Variants in MECOM observed in about 807,000 individuals in gnomAD.
The protein encoded by MECOM is MDS1 and EVI1 complex locus.
Under a neutral mutation model 116.3 loss-of-function variants are expected in MECOM, and 13 were observed. The observed-to-expected ratio is 0.11, with a 90% confidence interval of 0.07 to 0.18. The LOEUF (loss-of-function observed/expected upper bound fraction) is 0.18. Among genes scored for constraint, MECOM ranks in the 10% least tolerant of loss-of-function variants. The probability of loss-of-function intolerance (pLI) is 1.00; values close to 1 mark genes in which losing one functional copy is unlikely to be tolerated. For synonymous variants in MECOM, 528 were observed against 535.2 expected (o/e 0.99, Z 0.19); for missense variants, 1,299 against 1,509.0 (o/e 0.86, Z 2.31).
chr3:169,347,341 A>G (rs910184610), intron 2 of MECOM, among the ~76,000 whole-genome samples: 1 of 152,040 alleles, frequency 6.6e-6, no homozygotes, highest in African/African-American at 2.4e-5. Context: ...TACAAAAATA[A>G]ATCAAATAAG....
At chr3:169,146,456 C>T in intron 2 of MECOM, 1 of 1,386,702 alleles carries the variant, frequency 7.2e-7, no homozygotes, top group Non-Finnish European at 9.6e-7. Flanking sequence ...AAGAGGCCGA[C>T]AAGCCGGCAG....
chr3:169,246,647 G>A (rs550559650), intron 2 of MECOM, among the ~76,000 whole-genome samples: 10 of 150,634 alleles, frequency 6.6e-5, no homozygotes, highest in Admixed American at 3.3e-4. Context: ...TCCTGCCTCC[G>A]AGTAGCTGGC....
Position 169,101,962 on chromosome 3 carries a change from T to C in MECOM, c.2771+98A>G, listed in dbSNP as rs1357293729. The C allele has an allele frequency of 1.7e-5, 20 of 1,152,532 alleles. No homozygotes were observed. In the Admixed American group the frequency reaches 2.1e-4, roughly 12 times the overall value. The allele number at this position is 1,152,532 out of a possible 1,614,324, so 71.4% of individuals were successfully genotyped here. A position where few individuals can be genotyped will look rare whatever the true frequency, so the allele number is the denominator to read the frequency against. ...GGAGATCTATTATGGTGGCTATTAA[T>C]CATCTAATCAGGAATAATTTCCAAA... On this transcript the variant is annotated intron_variant, in intron 11 of 16. Coordinates refer to ENST00000651503, the MANE Select transcript of MECOM (RefSeq NM_004991.4).
At chr3:169,334,583 A>C (rs1723293428) in intron 2 of MECOM, among the ~76,000 whole-genome samples, 1 of 152,154 alleles carries the variant, frequency 6.6e-6, no homozygotes, top group Non-Finnish European at 1.5e-5. Flanking sequence ...AAGGTCATTC[A>C]TTGCGAGAGA....
intron 1 of MECOM, among the ~76,000 whole-genome samples, chr3:169,586,505 TGA>T: frequency 6.6e-6 from 1 of 152,166 alleles, no homozygotes; most frequent in African/African-American, 2.4e-5. Context: ...AAGGAATAGG[TGA>T]TCACTGATAT....
chr3:169,158,196 T>A (rs535441340), intron 2 of MECOM, among the ~76,000 whole-genome samples: 1 of 152,302 alleles, frequency 6.6e-6, no homozygotes, highest in East Asian at 1.9e-4. Flanking sequence ...GTGGTTGTCG[T>A]CCCTGGAGAA....
chr3:169,174,867 A>G (rs983426326), intron 2 of MECOM, among the ~76,000 whole-genome samples: 1 of 152,202 alleles, frequency 6.6e-6, no homozygotes, highest in Non-Finnish European at 1.5e-5. Flanking sequence ...TACTCATTAC[A>G]TAAGAGATCA....
intron 1 of MECOM, among the ~76,000 whole-genome samples, chr3:169,621,119 T>C (rs868043081): frequency 7.9e-5 from 12 of 152,330 alleles, no homozygotes; most frequent in Middle Eastern, 3.4e-3. Context: ...TAAACCAACC[T>C]TATAAAGAAT....
intron 2 of MECOM, among the ~76,000 whole-genome samples, chr3:169,368,484 A>AT (rs1729549964): frequency 6.6e-6 from 1 of 151,762 alleles, no homozygotes; most frequent in African/African-American, 2.4e-5. Context: ...CCTACTCCCC[A>AT]TTTTTTCATG....
intron 2 of MECOM, among the ~76,000 whole-genome samples, chr3:169,351,333 G>C (rs981320773): frequency 9.9e-5 from 15 of 151,654 alleles, no homozygotes; most frequent in Admixed American, 5.3e-4. Context: ...ACATAAAAAA[G>C]TATTGCATAT....
At chr3:169,434,937 T>C (rs1742391520) in intron 1 of MECOM, among the ~76,000 whole-genome samples, 1 of 152,184 alleles carries the variant, frequency 6.6e-6, no homozygotes, top group Admixed American at 6.5e-5. Flanking sequence ...TAATTCTTGG[T>C]CCTAACTAGG....
At chr3:169,547,544 CCTT>C (rs1428354013) in intron 1 of MECOM, among the ~76,000 whole-genome samples, 1 of 152,142 alleles carries the variant, frequency 6.6e-6, no homozygotes, top group Non-Finnish European at 1.5e-5. Flanking sequence ...CACTCTCTGA[CCTT>C]CTTTGGGAAG....
chr3:169,226,554 C>T (rs922244288), intron 2 of MECOM, among the ~76,000 whole-genome samples: 2 of 152,170 alleles, frequency 1.3e-5, no homozygotes, highest in African/African-American at 4.8e-5. Flanking sequence ...CAGTTATTCT[C>T]CCCGTTTTAT....
At chr3:169,198,803 C>A (rs2149443572) in intron 2 of MECOM, among the ~76,000 whole-genome samples, 1 of 151,842 alleles carries the variant, frequency 6.6e-6, no homozygotes, top group East Asian at 1.9e-4. Flanking sequence ...ACAGTGAATC[C>A]CAATACAATA....
intron 1 of MECOM, among the ~76,000 whole-genome samples, chr3:169,407,274 A>G (rs1476478978): frequency 1.8e-4 from 27 of 152,136 alleles, no homozygotes. Flanking sequence ...AAAGAAGGCT[A>G]CTCACTTCTT....
intron 1 of MECOM, among the ~76,000 whole-genome samples, chr3:169,654,167 G>T (rs1775250153): frequency 6.6e-6 from 1 of 152,112 alleles, no homozygotes; most frequent in African/African-American, 2.4e-5. Context: ...ATTATAAAGT[G>T]CTCAGTCAAA....
Position 169,285,798 on chromosome 3 carries a change from C to T in MECOM, c.375+95389G>A, listed in dbSNP as rs567302163. 4.6e-5 allele frequency among the ~76,000 whole-genome samples: 7 copies of T among 152,208 alleles called. No homozygotes were observed. The South Asian group carries it at 6.2e-4, about 14-fold the overall frequency. On this transcript the variant is annotated intron_variant, in intron 2 of 16. Coordinates refer to ENST00000651503, the MANE Select transcript of MECOM (RefSeq NM_004991.4). ...TCAAATAGCATGTGCTATGGTGTTT[C>T]CTTGGGGGAATGCATTCCAATTTCT... is the stretch of plus-strand genomic sequence containing the variant.
intron 1 of MECOM, among the ~76,000 whole-genome samples, chr3:169,462,618 A>T (rs986528834): frequency 1.3e-5 from 2 of 152,170 alleles, no homozygotes; most frequent in Admixed American, 6.6e-5. Flanking sequence ...TGAAATTTTT[A>T]TGCTGTTAAA....
At chr3:169,190,199 A>G (rs1325994236) in intron 2 of MECOM, among the ~76,000 whole-genome samples, 1 of 152,110 alleles carries the variant, frequency 6.6e-6, no homozygotes, top group African/African-American at 2.4e-5. Flanking sequence ...GTACTCAACC[A>G]TAATATAAAT....
Sources: gnomAD v4.1 joint callset for allele counts (sites outside exome capture counted in the v4.1 genomes callset) on GRCh38, gnomAD v4.1.1 for gene constraint, MANE v1.5 for transcripts, NCBI Gene and HGNC (gene_info 2026-07-23, HGNC 2026-07-21) for gene names.